The following DHX15 variants were observed in gnomAD, a reference collection of about 807,000 sequenced individuals.
DHX15 encodes ATP-dependent RNA helicase DHX15.
DHX15 carries 11 observed loss-of-function variants against 94.4 expected under a neutral mutation model. The ratio of observed to expected loss-of-function variants is 0.12; its 90% CI spans 0.07 to 0.19. The LOEUF (loss-of-function observed/expected upper bound fraction) is 0.19, where lower values mean the gene tolerates loss of function less well. DHX15 is among the 10% of genes least tolerant of loss of function. The pLI is 1.00. For missense variants in DHX15, 304 were observed against 988.5 expected (o/e 0.31, Z 9.29); for synonymous variants, 338 against 329.9 (o/e 1.02, Z -0.27).
chr4:24,556,207 CAT>C (rs763822850), intron 4 of DHX15, 42 bp downstream of exon 4: 7 of 1,566,592 alleles, frequency 4.5e-6, no homozygotes, highest in Admixed American at 1.7e-5. Flanking sequence ...TTTATGCCCA[CAT>C]ACACACATAT....
intron 3 of DHX15, among the ~76,000 whole-genome samples, chr4:24,569,336 T>C (rs1188247191): frequency 6.6e-6 from 1 of 152,180 alleles, no homozygotes; most frequent in African/African-American, 2.4e-5. Context: ...CTCACGCCTG[T>C]AATCCCAGCA....
chr4:24,565,139 T>A (rs1373813186), intron 3 of DHX15, among the ~76,000 whole-genome samples: 1 of 152,240 alleles, frequency 6.6e-6, no homozygotes, highest in Non-Finnish European at 1.5e-5. Context: ...CTAGAATGAA[T>A]GTGTAGGGTG....
chr4:24,558,097 T>C (rs1484490011), intron 3 of DHX15, among the ~76,000 whole-genome samples: 2 of 152,094 alleles, frequency 1.3e-5, no homozygotes, highest in Non-Finnish European at 2.9e-5. Flanking sequence ...CAACATGGAA[T>C]CATAGTGTAA....
At chr4:24,552,309 T>C (rs1455367871) in intron 5 of DHX15, among the ~76,000 whole-genome samples, 6 of 152,082 alleles carry the variant, frequency 3.9e-5, no homozygotes, top group Non-Finnish European at 8.8e-5. Context: ...AGTAAATTAA[T>C]CTGGACCTTA....
At chr4:24,567,638 G>C (rs145630481) in intron 3 of DHX15, among the ~76,000 whole-genome samples, 7 of 151,330 alleles carry the variant, frequency 4.6e-5, no homozygotes, top group African/African-American at 1.7e-4. Context: ...ACTGCAAAAG[G>C]GCTACACCAG....
chr4:24,560,829 T>C lies in DHX15; in HGVS notation c.702-4419A>G, dbSNP rs1024731546. 8.5e-5 allele frequency among the ~76,000 whole-genome samples: 13 copies of C among 152,308 alleles called. No homozygotes were observed. In the East Asian group the frequency reaches 2.3e-3, roughly 27 times the overall value. On this transcript the variant is annotated intron_variant, in intron 3 of 13. Coordinates refer to ENST00000336812, the MANE Select transcript of DHX15 (RefSeq NM_001358.3). ...TCCAAAAAGAAATACAAATGGCTAA[T>C]ATACAAAAATGTTCAATTTCACAGA...
intron 6 of DHX15, among the ~76,000 whole-genome samples, chr4:24,544,254 G>A (rs1721377877): frequency 6.6e-6 from 1 of 152,100 alleles, no homozygotes. Flanking sequence ...ATAGGCTTTT[G>A]CTGCATTAAC....
chr4:24,563,449 C>T (rs1396869672), intron 3 of DHX15: 1 of 152,200 alleles, frequency 6.6e-6, no homozygotes, highest in Non-Finnish European at 1.5e-5. Context: ...AGGCATAAGC[C>T]ACTGCACCTG....
At chr4:24,583,352 C>G (rs1207636628) in intron 1 of DHX15, among the ~76,000 whole-genome samples, 2 of 152,152 alleles carry the variant, frequency 1.3e-5, no homozygotes, top group Non-Finnish European at 2.9e-5. Context: ...AGTATTTCAA[C>G]TCTCAACCTC....
rs568886766 is a variant in DHX15 at position 24,534,299 on chromosome 4, T to C, written c.1910-1245A>G. The C allele has an allele frequency of 2.5e-3, 381 of 152,304 alleles. 3 individuals are homozygous for C. Among genetic ancestry groups the C allele is most frequent in the African/African-American group, 8.8e-3 (366 of 41,566 alleles). 9.4% of individuals were successfully genotyped at this position (152,304 alleles called of 1,614,324 possible). The stretch of plus-strand genomic sequence containing the variant: ...CTGAAAGGCAGAAAAATGCCCAAGC[T>C]GGACAATAAAAAGGCAAATTTTTGA... On this transcript the variant is annotated intron_variant, in intron 11 of 13. Coordinates refer to ENST00000336812, the MANE Select transcript of DHX15 (RefSeq NM_001358.3).
chr4:24,550,090 G>T (rs112329310), intron 5 of DHX15, among the ~76,000 whole-genome samples: 2 of 65,652 alleles, frequency 3.0e-5, no homozygotes, highest in South Asian at 6.5e-4. Context: ...GGGAAACTCC[G>T]TCTCAAAAAA....
intron 1 of DHX15, among the ~76,000 whole-genome samples, chr4:24,583,867 G>A (rs1197421629): frequency 2.0e-5 from 3 of 151,952 alleles, no homozygotes; most frequent in South Asian, 4.2e-4. Flanking sequence ...GCCTGGCCGC[G>A]CCCCCACCCA....
intron 5 of DHX15, among the ~76,000 whole-genome samples, chr4:24,554,017 G>A (rs958858529): frequency 3.3e-5 from 5 of 152,000 alleles, no homozygotes; most frequent in Non-Finnish European, 7.4e-5. Context: ...AGGAGATTGA[G>A]ACCATCCTGG....
At chr4:24,582,689 G>T (rs1722443389) in intron 1 of DHX15, among the ~76,000 whole-genome samples, 1 of 152,162 alleles carries the variant, frequency 6.6e-6, no homozygotes, top group Non-Finnish European at 1.5e-5. Context: ...ACAAAGGCAG[G>T]GTTCCAGATC....
intron 5 of DHX15, among the ~76,000 whole-genome samples, chr4:24,552,704 GT>G (rs1721633821): frequency 6.6e-6 from 1 of 152,096 alleles, no homozygotes; most frequent in African/African-American, 2.4e-5. Context: ...AAAACGTTAG[GT>G]TTTCTGCTAC....
At chr4:24,544,531 A>G (rs1352561513) in intron 6 of DHX15, among the ~76,000 whole-genome samples, 9 of 152,224 alleles carry the variant, frequency 5.9e-5, no homozygotes, top group Admixed American at 5.9e-4. Flanking sequence ...AAAAATAATC[A>G]GCAACTAGAA....
intron 4 of DHX15, among the ~76,000 whole-genome samples, chr4:24,555,939 A>C (rs940952182): frequency 6.6e-6 from 1 of 152,184 alleles, no homozygotes; most frequent in Non-Finnish European, 1.5e-5. Context: ...TTGATCCTTA[A>C]GTAAAATAAG....
intron 1 of DHX15, among the ~76,000 whole-genome samples, chr4:24,582,410 T>C (rs1179879779): frequency 6.6e-6 from 1 of 152,210 alleles, no homozygotes; most frequent in African/African-American, 2.4e-5. Context: ...CACATACATA[T>C]GGTGGGACCA....
At chr4:24,574,802 A>G (rs1270958407) in intron 2 of DHX15, among the ~76,000 whole-genome samples, 6 of 152,202 alleles carry the variant, frequency 3.9e-5, no homozygotes, top group Non-Finnish European at 7.3e-5. Flanking sequence ...CTTTACCCAA[A>G]TATCAATTAA....
Sources: allele counts gnomAD v4.1 joint callset (sites outside exome capture counted in the v4.1 genomes callset), GRCh38; gene constraint gnomAD v4.1.1; transcripts MANE v1.5; gene names NCBI Gene and HGNC (gene_info 2026-07-23, HGNC 2026-07-21).